The following ZBTB7C variants were observed in gnomAD, a reference collection of about 807,000 sequenced individuals.
The protein encoded by ZBTB7C is zinc finger and BTB domain containing 7C.
In ZBTB7C, 8 loss-of-function variants were observed where a neutral mutation model predicts 25.7. The ratio of observed to expected loss-of-function variants is 0.31; its 90% CI spans 0.18 to 0.56. The LOEUF (loss-of-function observed/expected upper bound fraction) is 0.56, where lower values mean the gene tolerates loss of function less well. Ranked by LOEUF, ZBTB7C falls within the 20% of genes least tolerant of loss-of-function variation. The probability of loss-of-function intolerance (pLI) is 0.91; values close to 1 mark genes in which losing one functional copy is unlikely to be tolerated. For missense variants in ZBTB7C, 824 were observed against 855.2 expected, an observed-to-expected ratio of 0.96 and a Z score of 0.46; for synonymous variants, 394 against 369.0, an observed-to-expected ratio of 1.07 and a Z score of -0.78.
At chr18:48,125,055 G>T (rs958374958) in intron 3 of ZBTB7C, among the ~76,000 whole-genome samples, 2 of 152,208 alleles carry the variant, frequency 1.3e-5, no homozygotes, top group Non-Finnish European at 2.9e-5. Flanking sequence ...GAGGTTTGCT[G>T]CATGGGAGCT....
intron 1 of ZBTB7C, among the ~76,000 whole-genome samples, chr18:48,368,764 T>C (rs1194131785): frequency 6.9e-6 from 1 of 145,620 alleles, no homozygotes. Flanking sequence ...TCAGAAACCA[T>C]GGAGATGAAA....
rs187854681 is a variant in ZBTB7C, at chr18:48,083,833, C to T, written c.-16-42710G>A. 4.1e-5 allele frequency: 40 copies of T among 985,392 alleles called. No individual in the cohort carries two copies. The East Asian group carries it at 4.1e-3, about 101-fold the overall frequency. 61.0% of individuals were successfully genotyped at this position (985,392 alleles called of 1,614,324 possible). A position where few individuals can be genotyped will look rare whatever the true frequency, so the allele number is the denominator to read the frequency against. On this transcript the variant is annotated intron_variant, in intron 3 of 4. Transcript: ENST00000590800. ...GTTATAAAGGGCCTTATTTTAGCAA[C>T]CCATATTAGGAACTTACTTTCCCCT...
intron 1 of ZBTB7C, among the ~76,000 whole-genome samples, chr18:48,355,289 A>C (rs1362279123): frequency 2.0e-5 from 3 of 152,214 alleles, no homozygotes; most frequent in South Asian, 4.1e-4. Context: ...GAACAGAGAG[A>C]TCTCTGAGAT....
At chr18:48,097,893 T>A (rs1039447875) in intron 3 of ZBTB7C, among the ~76,000 whole-genome samples, 25 of 151,930 alleles carry the variant, frequency 1.6e-4, no homozygotes, top group African/African-American at 5.6e-4. Context: ...TTTTTTTTTT[T>A]ACTTACAAAA....
At chr18:48,374,459 C>G (rs1403692881) in intron 1 of ZBTB7C, 1 of 152,300 alleles carries the variant, frequency 6.6e-6, no homozygotes, top group Non-Finnish European at 1.5e-5. Flanking sequence ...GCTCTATGCC[C>G]CTGGGTGAGG....
chr18:48,327,946 T>C (rs1168166584), intron 2 of ZBTB7C, among the ~76,000 whole-genome samples: 3 of 152,094 alleles, frequency 2.0e-5, no homozygotes, highest in African/African-American at 4.8e-5. Flanking sequence ...TAGTGACTCA[T>C]GCCTGTAACC....
chr18:48,036,877 C>T lies in ZBTB7C; in HGVS notation c.1208+3023G>A, dbSNP rs1231556809. ...GGAGCCTTGGCCACAGGGAGAATTA[C>T]AGGAAAACCTCAACCTGGACAGACC... On this transcript the variant is annotated intron_variant, in intron 4 of 4. Coordinates refer to ENST00000590800, the MANE Select transcript of ZBTB7C (RefSeq NM_001318841.2). 3.3e-5 allele frequency among the ~76,000 whole-genome samples: 5 copies of T among 152,312 alleles called. No homozygotes were observed. The East Asian group carries it at 7.7e-4, about 24-fold the overall frequency.
intron 2 of ZBTB7C, among the ~76,000 whole-genome samples, chr18:48,269,929 A>G (rs1333095951): frequency 1.3e-5 from 2 of 152,212 alleles, no homozygotes; most frequent in African/African-American, 4.8e-5. Context: ...CTCAGATTAA[A>G]TAAAAGGGAA....
chr18:48,382,795 T>C (rs1167550312), intron 1 of ZBTB7C, among the ~76,000 whole-genome samples: 2 of 152,226 alleles, frequency 1.3e-5, no homozygotes, highest in Non-Finnish European at 2.9e-5. Flanking sequence ...GGACAAACTA[T>C]ACTAATGGCC....
intron 3 of ZBTB7C, among the ~76,000 whole-genome samples, chr18:48,094,088 GT>G (rs917623903): frequency 6.6e-6 from 1 of 152,148 alleles, no homozygotes; most frequent in African/African-American, 2.4e-5. Context: ...TAATAACCTT[GT>G]TTATTATAAC....
chr18:48,224,475 G>A (rs868177587), intron 2 of ZBTB7C, among the ~76,000 whole-genome samples: 26 of 152,320 alleles, frequency 1.7e-4, no homozygotes, highest in African/African-American at 5.8e-4. Flanking sequence ...CTGAGGGAAG[G>A]GAAGCCAGTG....
chr18:48,391,563 T>C (rs1271388178), intron 1 of ZBTB7C, among the ~76,000 whole-genome samples: 2 of 148,904 alleles, frequency 1.3e-5, no homozygotes, highest in South Asian at 4.1e-4. Context: ...CGAATTACCA[T>C]GTTCACAAAA....
chr18:48,328,417 G>T (rs2046273315), intron 2 of ZBTB7C, among the ~76,000 whole-genome samples: 1 of 152,096 alleles, frequency 6.6e-6, no homozygotes, highest in Non-Finnish European at 1.5e-5. Context: ...CTCTCTCATA[G>T]AAGTTAAATA....
chr18:48,322,574 G>A (rs1237222434), intron 2 of ZBTB7C, among the ~76,000 whole-genome samples: 1 of 152,162 alleles, frequency 6.6e-6, no homozygotes, highest in Non-Finnish European at 1.5e-5. Flanking sequence ...CGATAAAAAG[G>A]GAACACTTCT....
chr18:48,300,669 G>A (rs1314903755), intron 2 of ZBTB7C, among the ~76,000 whole-genome samples: 1 of 152,200 alleles, frequency 6.6e-6, no homozygotes, highest in Non-Finnish European at 1.5e-5. Flanking sequence ...AAAAATGCCG[G>A]GAAGAAAGGC....
chr18:48,381,103 T>C (rs1490010136), intron 1 of ZBTB7C, among the ~76,000 whole-genome samples: 1 of 152,218 alleles, frequency 6.6e-6, no homozygotes, highest in South Asian at 2.1e-4. Flanking sequence ...ATAAAGATAC[T>C]TGAAGACATT....
intron 2 of ZBTB7C, among the ~76,000 whole-genome samples, chr18:48,209,014 A>G (rs187282881): frequency 1.3e-5 from 2 of 152,380 alleles, no homozygotes; most frequent in East Asian, 3.9e-4. Context: ...AATAGATGAC[A>G]GCCTGGCAAA....
At chr18:48,170,145 G>A (rs756945721) in intron 3 of ZBTB7C, among the ~76,000 whole-genome samples, 4 of 152,240 alleles carry the variant, frequency 2.6e-5, no homozygotes, top group Non-Finnish European at 4.4e-5. Flanking sequence ...GCATTGGGGT[G>A]ATGGGGTTCC....
At chr18:48,149,693 C>T (rs576552124) in intron 3 of ZBTB7C, 1 of 152,170 alleles carries the variant, frequency 6.6e-6, no homozygotes, top group Non-Finnish European at 1.5e-5. Flanking sequence ...CCTGCAAAGA[C>T]CACATCAAAG....
Sources: allele counts gnomAD v4.1 joint callset (sites outside exome capture counted in the v4.1 genomes callset), GRCh38; gene constraint gnomAD v4.1.1; transcripts MANE v1.5; gene names NCBI Gene and HGNC (gene_info 2026-07-23, HGNC 2026-07-21).